ULK4: variants seen among roughly 807,000 people sequenced by gnomAD.
The protein encoded by ULK4 is inactive serine/threonine-protein kinase ULK4.
A neutral mutation model predicts 160.6 loss-of-function variants in ULK4; 133 were observed. The observed-to-expected ratio is 0.83, with a 90% CI of 0.72 to 0.96. The LOEUF is 0.96. Ranked by LOEUF, ULK4 falls within the 40% of genes least tolerant of loss-of-function variation. The pLI, the probability that ULK4 is intolerant of heterozygous loss-of-function variation, is 0.00. For missense variants in ULK4, 1,580 were observed against 1,499.5 expected, an observed-to-expected ratio of 1.05 and a Z score of -0.89; for synonymous variants, 534 against 539.8, an observed-to-expected ratio of 0.99 and a Z score of 0.15.
intron 32 of ULK4, among the ~76,000 whole-genome samples, chr3:41,559,720 GTTGT>G (rs1317614754): frequency 6.6e-6 from 1 of 152,074 alleles, no homozygotes; most frequent in Non-Finnish European, 1.5e-5. Context: ...TTTTGATGGA[GTTGT>G]TTATTTTCTT....
intron 32 of ULK4, among the ~76,000 whole-genome samples, chr3:41,532,027 A>G (rs897421189): frequency 6.6e-6 from 1 of 152,176 alleles, no homozygotes; most frequent in Non-Finnish European, 1.5e-5. Context: ...CACCGGTCTA[A>G]TCTATACAAG....
At chr3:41,920,725 C>T (rs1405160963) in intron 5 of ULK4, among the ~76,000 whole-genome samples, 3 of 152,154 alleles carry the variant, frequency 2.0e-5, no homozygotes, top group African/African-American at 7.2e-5. Context: ...GTAAGCCTTC[C>T]AGCAAATCCT....
chr3:41,247,025 A>G lies in ULK4; in HGVS notation c.3765-33T>C, dbSNP rs2078657491. The G allele has an allele frequency of 2.5e-6, 4 of 1,605,092 alleles. No individual in the cohort carries two copies. In the African/African-American group the frequency reaches 4.0e-5, roughly 16 times the overall value. On this transcript the variant is annotated intron_variant, in intron 36 of 36. Transcript: ENST00000301831. ...AAAAACCAAAGTAGGTACACTTAAT[A>G]GGCATCTCTAAGGTAAAGTGCTCCC...
intron 30 of ULK4, among the ~76,000 whole-genome samples, chr3:41,651,229 G>A (rs568683692): frequency 6.6e-6 from 1 of 152,154 alleles, no homozygotes; most frequent in East Asian, 1.9e-4. Flanking sequence ...CCTGAAAATT[G>A]GGGGCTTGCT....
chr3:41,261,065 A>C (rs1051098930), intron 35 of ULK4, among the ~76,000 whole-genome samples: 1 of 152,156 alleles, frequency 6.6e-6, no homozygotes, highest in African/African-American at 2.4e-5. Context: ...TGTACTCCAG[A>C]CAAACCGGGT....
intron 19 of ULK4, among the ~76,000 whole-genome samples, chr3:41,802,180 GATA>G (rs1281920446): frequency 9.9e-5 from 15 of 152,086 alleles, no homozygotes; most frequent in East Asian, 9.6e-4. Context: ...AGAAAAAAAT[GATA>G]ATGAGAAGAA....
chr3:41,708,998 T>G (rs1203356395), intron 25 of ULK4, among the ~76,000 whole-genome samples: 3 of 152,220 alleles, frequency 2.0e-5, no homozygotes, highest in African/African-American at 7.2e-5. Context: ...TCAACCATAT[T>G]TATTTGTGTA....
chr3:41,789,333 C>T (rs1001084920), intron 21 of ULK4, among the ~76,000 whole-genome samples: 1 of 152,048 alleles, frequency 6.6e-6, no homozygotes, highest in African/African-American at 2.4e-5. Context: ...CTAAAAAAGG[C>T]AAAGGCCATG....
At position 41,302,015 on chromosome 3, in the gene ULK4, C is replaced by T. The variant is rs542305246; in HGVS notation, c.3679-52441G>A. ...AGAATATGGGGAAATTATGATGATG[C>T]GAAGCACCTGAATGAGGGAGGTGAT... On this transcript the variant is annotated intron_variant, in intron 35 of 36. Coordinates refer to ENST00000301831, the MANE Select transcript of ULK4 (RefSeq NM_017886.4). Among the ~76,000 whole-genome samples the T allele has an allele frequency of 2.3e-4, 35 of 152,148 alleles. 1 individual carries two copies. In the South Asian group the frequency reaches 5.8e-3, roughly 25 times the overall value.
At chr3:41,653,052 T>C (rs556543485) in intron 30 of ULK4, among the ~76,000 whole-genome samples, 27 of 152,144 alleles carry the variant, frequency 1.8e-4, no homozygotes, top group Non-Finnish European at 3.4e-4. Flanking sequence ...TTTACTAATC[T>C]AGAAGGAATG....
intron 31 of ULK4, among the ~76,000 whole-genome samples, chr3:41,571,495 T>C (rs991561216): frequency 5.9e-5 from 9 of 152,224 alleles, no homozygotes; most frequent in African/African-American, 1.9e-4. Flanking sequence ...AACTGTGCAT[T>C]GAAAAACATT....
At chr3:41,702,139 T>TTATG (rs575310675) in intron 27 of ULK4, among the ~76,000 whole-genome samples, 263 of 152,240 alleles carry the variant, frequency 1.7e-3, no homozygotes, top group Non-Finnish European at 2.5e-3. Context: ...AATTTTTTAA[T>TTATG]TATGTATGTA....
intron 35 of ULK4, among the ~76,000 whole-genome samples, chr3:41,376,766 G>A (rs2081507664): frequency 6.7e-6 from 1 of 150,084 alleles, no homozygotes; most frequent in Non-Finnish European, 1.5e-5. Context: ...TCATGGGAAG[G>A]AAGAATCAAT....
intron 2 of ULK4, among the ~76,000 whole-genome samples, chr3:41,954,314 C>T (rs1700409563): frequency 6.6e-6 from 1 of 150,760 alleles, no homozygotes; most frequent in African/African-American, 2.4e-5. Flanking sequence ...GAGCCCAGTG[C>T]ACTCCAGTCT....
At chr3:41,511,173 A>G (rs2085563555) in intron 32 of ULK4, among the ~76,000 whole-genome samples, 5 of 151,584 alleles carry the variant, frequency 3.3e-5, no homozygotes, top group Admixed American at 3.3e-4. Flanking sequence ...AAAAAAAAAA[A>G]AAAAAAAAAA....
intron 18 of ULK4, among the ~76,000 whole-genome samples, chr3:41,834,791 C>T (rs770843890): frequency 6.6e-6 from 1 of 152,326 alleles, no homozygotes; most frequent in South Asian, 2.1e-4. Flanking sequence ...CACCTGTAAT[C>T]CCAGCACTGT....
chr3:41,682,998 T>C (rs1186780866), intron 27 of ULK4, among the ~76,000 whole-genome samples: 1 of 152,062 alleles, frequency 6.6e-6, no homozygotes, highest in Non-Finnish European at 1.5e-5. Flanking sequence ...TGTCAGAAGA[T>C]GAATACAGAA....
chr3:41,527,167 T>A (rs1691951), intron 32 of ULK4, among the ~76,000 whole-genome samples: 1 of 152,292 alleles, frequency 6.6e-6, no homozygotes, highest in African/African-American at 2.4e-5. Flanking sequence ...GTAACATGTG[T>A]ACAGCTTTGC....
intron 17 of ULK4, among the ~76,000 whole-genome samples, chr3:41,839,778 C>T (rs1575805106): frequency 6.6e-6 from 1 of 152,056 alleles, no homozygotes; most frequent in South Asian, 2.1e-4. Flanking sequence ...AACTGTACTC[C>T]TATATATTGG....
Sources: gnomAD v4.1 joint callset for allele counts (sites outside exome capture counted in the v4.1 genomes callset) on GRCh38, gnomAD v4.1.1 for gene constraint, MANE v1.5 for transcripts, NCBI Gene and HGNC (gene_info 2026-07-23, HGNC 2026-07-21) for gene names.